SCN10A: variants seen among roughly 807,000 people sequenced by gnomAD.
The protein encoded by SCN10A is sodium voltage-gated channel alpha subunit 10, also known as sodium channel protein type 10 subunit alpha.
Under a neutral mutation model 170.7 loss-of-function variants are expected in SCN10A, and 162 were observed. The observed-to-expected ratio is 0.95, with a 90% CI of 0.84 to 1.08. The LOEUF (loss-of-function observed/expected upper bound fraction) is 1.08. Among genes scored for constraint, SCN10A ranks in the 50% least tolerant of loss-of-function variants. The pLI is 0.00. For missense variants in SCN10A, 2,527 were observed against 2,436.9 expected, an observed-to-expected ratio of 1.04 and a Z score of -0.78; for synonymous variants, 985 against 904.6, an observed-to-expected ratio of 1.09 and a Z score of -1.59.
In SCN10A at chr3:38,788,947, T is replaced by C. The variant is rs2064243911; in HGVS notation, c.470+9A>G. 6.5e-7 allele frequency: 1 copy of C among 1,535,874 alleles called. No homozygotes were observed. Among genetic ancestry groups the C allele is most frequent in the Non-Finnish European group, 9.0e-7 (1 of 1,109,266 alleles). ...GAGATGGTACAATAATGATAGCAAA[T>C]CTACTCACTCAATTTTCTCTGGAAG... is the stretch of plus-strand genomic sequence containing the variant. On this transcript the variant is annotated intron_variant, in intron 4 of 27. Transcript: ENST00000449082.
rs577691821 is a variant in SCN10A at position 38,789,666 on chromosome 3, C to A, written c.390-630G>T. Among the ~76,000 whole-genome samples, 82 of 151,926 alleles carry A rather than the reference C, an allele frequency of 5.4e-4. 1 individual carries two copies. Among genetic ancestry groups the A allele is most frequent in the Admixed American group, 1.1e-3 (17 of 15,236 alleles). On this transcript the variant is annotated intron_variant, in intron 3 of 27. Coordinates refer to ENST00000449082, the MANE Select transcript of SCN10A (RefSeq NM_006514.4). ...GGCACAGGGAAATGAAATACTGGCT[C>A]AGGAAGAAAACCCCAAGTAGGATTA...
At chr3:38,739,709 TC>T (rs756660471) in intron 14 of SCN10A, 21 bp from the exon 15 acceptor site, 18 of 1,599,286 alleles carry the variant, frequency 1.1e-5, no homozygotes, top group Non-Finnish European at 1.5e-5. Flanking sequence ...AAACAAGCTT[TC>T]ATCACAGTGG....
At chr3:38,751,577 A>T (rs142093923) in intron 12 of SCN10A, among the ~76,000 whole-genome samples, 4 of 152,206 alleles carry the variant, frequency 2.6e-5, no homozygotes, top group Non-Finnish European at 5.9e-5. Context: ...AATGAAAAAC[A>T]CTAGAAACAT....
At position 38,752,232 on chromosome 3, in the gene SCN10A, G is replaced by A; in HGVS notation, c.1742C>T (p.Ala581Val). The change falls in exon 12 of 28, where the codon GCT (alanine) becomes GTT (valine). Residue 581 changes from alanine to valine, a missense_variant. Coordinates refer to ENST00000449082, the MANE Select transcript of SCN10A (RefSeq NM_006514.4). ...TCACAAACTCACCGAGACATCGACA[G>A]CTCCAGGGGCAAGCTCACTAGTGGG... ...PPPTSELAPG[A>V]VDVSAFDAGQ... The A allele has an allele frequency of 6.5e-7, 1 of 1,527,786 alleles. No homozygotes were observed. Among genetic ancestry groups the A allele is most frequent in the Non-Finnish European group, 8.8e-7 (1 of 1,136,980 alleles). 94.6% of individuals were successfully genotyped at this position (1,527,786 alleles called of 1,614,324 possible). A position where few individuals can be genotyped will look rare whatever the true frequency, so the allele number is the denominator to read the frequency against.
chr3:38,731,729 C>A (rs116186275), intron 15 of SCN10A, among the ~76,000 whole-genome samples: 1 of 151,778 alleles, frequency 6.6e-6, no homozygotes, highest in Non-Finnish European at 1.5e-5. Flanking sequence ...CATACTAACT[C>A]CCCCCAGATT....
chr3:38,758,782 G>T (rs920896240), intron 8 of SCN10A, among the ~76,000 whole-genome samples: 1 of 151,720 alleles, frequency 6.6e-6, no homozygotes, highest in Admixed American at 6.5e-5. Flanking sequence ...CTGCCTGGCT[G>T]GCACCTGCCC....
intron 12 of SCN10A, among the ~76,000 whole-genome samples, chr3:38,750,751 A>G (rs1383238670): frequency 6.6e-6 from 1 of 152,250 alleles, no homozygotes; most frequent in East Asian, 1.9e-4. Flanking sequence ...AAGGGCCTAA[A>G]GAGTCAATCT....
chr3:38,700,611 A>G (rs79432320), intron 27 of SCN10A, among the ~76,000 whole-genome samples: 28 of 152,286 alleles, frequency 1.8e-4, no homozygotes, highest in African/African-American at 6.3e-4. Context: ...ATACCTCAAT[A>G]AAGTGTTAAA....
At chr3:38,782,378 T>G (rs1207258093) in intron 4 of SCN10A, among the ~76,000 whole-genome samples, 1 of 152,106 alleles carries the variant, frequency 6.6e-6, no homozygotes, top group Non-Finnish European at 1.5e-5. Context: ...TAACAAACCC[T>G]GATCTGCTAA....
chr3:38,762,630 A>G (rs781090887), intron 6 of SCN10A, among the ~76,000 whole-genome samples: 4 of 152,140 alleles, frequency 2.6e-5, no homozygotes, highest in Non-Finnish European at 5.9e-5. Context: ...AGGTCTTGCA[A>G]ATAAGACTCA....
At chr3:38,720,658 C>T (rs949342265) in intron 20 of SCN10A, among the ~76,000 whole-genome samples, 14 of 151,658 alleles carry the variant, frequency 9.2e-5, no homozygotes, top group African/African-American at 2.7e-4. Context: ...GCTGGGCTGG[C>T]GCAGTGCTGC....
rs201815569 is a variant in SCN10A, at chr3:38,752,192, G to A, written c.1755+27C>T. ...GGCTTCTAGGTGGAAGACAGCCTGA[G>A]GGAGTCTGAAGCATTCACAAACTCA... On this transcript the variant is annotated intron_variant, in intron 12 of 27. Transcript: ENST00000449082. 3.0e-4 allele frequency: 443 copies of A among 1,480,592 alleles called. 1 individual carries two copies. The African/African-American group carries it at 5.3e-3, about 18-fold the overall frequency. 91.7% of individuals were successfully genotyped at this position (1,480,592 alleles called of 1,614,324 possible).
At chr3:38,744,932 A>G (rs1472599128) in intron 13 of SCN10A, among the ~76,000 whole-genome samples, 6 of 152,240 alleles carry the variant, frequency 3.9e-5, no homozygotes, top group African/African-American at 1.2e-4. Context: ...GAAACTACAG[A>G]TGTCCAAACT....
At chr3:38,703,221 C>T (rs1240090175) in intron 26 of SCN10A, among the ~76,000 whole-genome samples, 1 of 152,202 alleles carries the variant, frequency 6.6e-6, no homozygotes, top group African/African-American at 2.4e-5. Context: ...GGTCCCTCTG[C>T]CTCAGTAATG....
intron 11 of SCN10A, among the ~76,000 whole-genome samples, chr3:38,753,357 C>G (rs1405017295): frequency 2.6e-5 from 4 of 152,130 alleles, no homozygotes; most frequent in Non-Finnish European, 5.9e-5. Flanking sequence ...ATAGTATGTA[C>G]AAAATCTAAA....
intron 5 of SCN10A, among the ~76,000 whole-genome samples, chr3:38,766,574 T>C (rs2063935704): frequency 6.6e-6 from 1 of 152,180 alleles, no homozygotes; most frequent in African/African-American, 2.4e-5. Flanking sequence ...CCTACCTCCC[T>C]GGTATGAAAC....
In SCN10A at chr3:38,726,720, C is replaced by G; in HGVS notation, c.2973G>C (p.Pro991=). 6.2e-7 allele frequency: 1 copy of G among 1,612,928 alleles called. No individual in the cohort carries two copies. Among genetic ancestry groups the G allele is most frequent in the Non-Finnish European group, 8.5e-7 (1 of 1,178,970 alleles). The change falls in exon 17 of 28, where the codon CCG becomes CCC. Residue 991 remains proline, a synonymous_variant. Transcript: ENST00000449082. The part of the protein sequence containing the change: ...RDEHSDFIAN[P]TVWVSVPIAE... ...CAATGGGCACAGAGACCCACACAGT[C>G]GGATTAGCGATGAAGTCACTGTGCT...
chr3:38,761,413 ATG>A, intron 6 of SCN10A, 30 bp from the exon 7 acceptor site: 1 of 1,591,190 alleles, frequency 6.3e-7, no homozygotes, highest in Non-Finnish European at 8.6e-7. Context: ...GTATGACCAC[ATG>A]GATGAGGTAG....
In SCN10A at chr3:38,761,147, A is replaced by G. The variant is rs183788942; in HGVS notation, c.883+45T>C. 3 of 1,443,262 alleles carry G rather than the reference A, an allele frequency of 2.1e-6. No homozygotes were observed. In the African/African-American group the frequency reaches 4.1e-5, roughly 20 times the overall value. 89.4% of individuals were successfully genotyped at this position (1,443,262 alleles called of 1,614,324 possible). A position where few individuals can be genotyped will look rare whatever the true frequency, so the allele number is the denominator to read the frequency against. On this transcript the variant is annotated intron_variant, in intron 7 of 27. Coordinates refer to ENST00000449082, the MANE Select transcript of SCN10A (RefSeq NM_006514.4). ...TATCCCCTGTCCCTATATGATACCA[A>G]GGGTCCAACCAGACCTTGGTCCCTA...
Sources: allele counts gnomAD v4.1 joint callset (sites outside exome capture counted in the v4.1 genomes callset), GRCh38; gene constraint gnomAD v4.1.1; transcripts MANE v1.5; gene names NCBI Gene and HGNC (gene_info 2026-07-23, HGNC 2026-07-21).